FANCD2: variants seen among roughly 807,000 people sequenced by gnomAD.
FANCD2 encodes the protein Fanconi anemia group D2 protein.
A neutral mutation model predicts 192.3 loss-of-function variants in FANCD2; 131 were observed. The observed-to-expected ratio is 0.68, with a 90% CI of 0.59 to 0.79. The LOEUF (loss-of-function observed/expected upper bound fraction) is 0.79. FANCD2 is among the 30% of genes least tolerant of loss of function. FANCD2 has a pLI of 0.00. For synonymous variants in FANCD2, 524 were observed against 612.5 expected, an observed-to-expected ratio of 0.86 and a Z score of 2.13; for missense variants, 1,508 against 1,701.6, an observed-to-expected ratio of 0.89 and a Z score of 2.00.
At chr3:10,041,894 G>A (rs1293752178) in intron 10 of FANCD2, among the ~76,000 whole-genome samples, 184 bp downstream of exon 10, 3 of 141,058 alleles carry the variant, frequency 2.1e-5, no homozygotes, top group Admixed American at 2.1e-4. Flanking sequence ...CTATGGTAGA[G>A]TCACAGGTCT....
At chr3:10,057,013 C>A (rs1289920143) in intron 18 of FANCD2, among the ~76,000 whole-genome samples, 1 of 152,078 alleles carries the variant, frequency 6.6e-6, no homozygotes, top group Admixed American at 6.6e-5. Context: ...CACCACCATG[C>A]CCAGCTAATT....
chr3:10,040,201 A>AT (rs1195077495), intron 9 of FANCD2: 4 of 339,586 alleles, frequency 1.2e-5, no homozygotes, highest in African/African-American at 2.1e-5. Flanking sequence ...TGCCCGACTA[A>AT]TTTTTTTGGT....
intron 26 of FANCD2, among the ~76,000 whole-genome samples, chr3:10,070,838 T>G (rs371912466): frequency 2.0e-5 from 3 of 147,166 alleles, no homozygotes; most frequent in Non-Finnish European, 3.0e-5. Flanking sequence ...CCCCCAACCC[T>G]GTGCTCTCTG....
intron 18 of FANCD2, among the ~76,000 whole-genome samples, chr3:10,057,423 G>A (rs1385737718): frequency 6.7e-6 from 1 of 149,710 alleles, no homozygotes; most frequent in Admixed American, 6.7e-5. Flanking sequence ...GGAGTGCAGT[G>A]GCACAATCTC....
Position 10,101,335 on chromosome 3 carries a change from C to A in FANCD2, c.*73C>A. On this transcript the variant is annotated 3_prime_UTR_variant, in exon 44 of 44. Transcript: ENST00000675286. ...TCATTTTGTGTTAGAGTTTGAAATC[C>A]GCTGTTTGCCTTTCTTACTGGTAGG... The A allele has an allele frequency of 9.2e-7, 1 of 1,091,340 alleles. No individual in the cohort carries two copies. Among genetic ancestry groups the A allele is most frequent in the South Asian group, 1.2e-5 (1 of 80,178 alleles). The allele number at this position is 1,091,340 out of a possible 1,614,324, so 67.6% of individuals were successfully genotyped here. A position where few individuals can be genotyped will look rare whatever the true frequency, so the allele number is the denominator to read the frequency against.
chr3:10,034,432 A>G (rs778286669), intron 3 of FANCD2, 37 bp from the exon 4 acceptor site: 31 of 1,496,498 alleles, frequency 2.1e-5, no homozygotes, highest in Admixed American at 3.3e-5. Flanking sequence ...AAACTATGGT[A>G]GGAAACTGGT....
At chr3:10,034,908 C>T (rs1284471414) in intron 5 of FANCD2, 110 bp downstream of exon 5, 4 of 855,508 alleles carry the variant, frequency 4.7e-6, no homozygotes, top group South Asian at 1.4e-5. Context: ...GGTGTAAGCT[C>T]TGTTTTCCTC....
intron 7 of FANCD2, among the ~76,000 whole-genome samples, chr3:10,037,316 A>G (rs1365231245): frequency 6.6e-6 from 1 of 152,210 alleles, no homozygotes; most frequent in Admixed American, 6.6e-5. Context: ...ACTATTACAC[A>G]GTAAAATAAA....
chr3:10,074,747 A>C, intron 29 of FANCD2, 74 bp downstream of exon 29: 1 of 1,418,974 alleles, frequency 7.0e-7, no homozygotes, highest in Non-Finnish European at 9.9e-7. Flanking sequence ...TATTTCACAA[A>C]GAACACTGTG....
In FANCD2 at chr3:10,049,234, A is replaced by T. The variant is rs1204161448; in HGVS notation, c.1414-140A>T. On this transcript the variant is annotated intron_variant, in intron 16 of 43. Coordinates refer to ENST00000675286, the MANE Select transcript of FANCD2 (RefSeq NM_001018115.3). ...AAATCTCCTGAAGCCAACATTAATG[A>T]AAACTAGATAATAGGTGATGGGTTT... The T allele has an allele frequency of 3.9e-5, 34 of 876,940 alleles. 1 individual carries two copies. Among genetic ancestry groups the T allele is most frequent in the Non-Finnish European group, 5.7e-5 (31 of 540,918 alleles). 54.3% of individuals were successfully genotyped at this position (876,940 alleles called of 1,614,324 possible). A position where few individuals can be genotyped will look rare whatever the true frequency, so the allele number is the denominator to read the frequency against.
chr3:10,029,806 C>T (rs753610424), intron 2 of FANCD2, among the ~76,000 whole-genome samples: 3 of 152,046 alleles, frequency 2.0e-5, no homozygotes, highest in African/African-American at 7.2e-5. Context: ...TTGTTTGAGA[C>T]GGAGTCTCAC....
chr3:10,096,196 T>C (rs933060602), intron 41 of FANCD2, 130 bp from the exon 42 acceptor site: 16 of 923,328 alleles, frequency 1.7e-5, no homozygotes, highest in Non-Finnish European at 2.6e-5. Context: ...CTATTCCTGT[T>C]TGATGGAACA....
intron 9 of FANCD2, 178 bp downstream of exon 9, chr3:10,040,023 C>T: frequency 3.4e-6 from 2 of 595,124 alleles, no homozygotes; most frequent in South Asian, 2.5e-5. Context: ...TGAATAGATC[C>T]ACATACTTTC....
chr3:10,094,227 G>T lies in FANCD2; in HGVS notation c.3889-62G>T. 4 of 1,241,988 alleles carry T rather than the reference G, an allele frequency of 3.2e-6. No homozygotes were observed. The South Asian group carries it at 4.8e-5, about 15-fold the overall frequency. The allele number at this position is 1,241,988 out of a possible 1,614,324, so 76.9% of individuals were successfully genotyped here. On this transcript the variant is annotated intron_variant, in intron 39 of 43. Coordinates refer to ENST00000675286, the MANE Select transcript of FANCD2 (RefSeq NM_001018115.3). The stretch of plus-strand genomic sequence containing the variant: ...CCCTTGGGCTGGATGAGACTATTCT[G>T]CCTCAGGGGCCTTTCAGTGAGATAC...
chr3:10,029,372 G>T (rs550125193), intron 2 of FANCD2, among the ~76,000 whole-genome samples: 1 of 152,208 alleles, frequency 6.6e-6, no homozygotes, highest in African/African-American at 2.4e-5. Context: ...ATGGTGGTTT[G>T]TGCCTGTGGT....
intron 3 of FANCD2, among the ~76,000 whole-genome samples, chr3:10,033,397 A>G (rs1386499745): frequency 6.6e-6 from 1 of 151,982 alleles, no homozygotes; most frequent in Non-Finnish European, 1.5e-5. Flanking sequence ...GTGAGACTCC[A>G]TTTCCAAAAA....
chr3:10,039,397 GT>G, intron 8 of FANCD2, 40 bp downstream of exon 8: 1 of 1,477,394 alleles, frequency 6.8e-7, no homozygotes. Context: ...TAAAGAGTAT[GT>G]TTCTCATATC....
intron 26 of FANCD2, among the ~76,000 whole-genome samples, chr3:10,069,116 G>A (rs1183310278): frequency 2.6e-5 from 4 of 152,084 alleles, no homozygotes; most frequent in Non-Finnish European, 4.4e-5. Context: ...TACCCTACAA[G>A]CACAGGCAAC....
chr3:10,068,710 G>C (rs186436668), intron 26 of FANCD2, among the ~76,000 whole-genome samples: 2 of 150,030 alleles, frequency 1.3e-5, no homozygotes, highest in African/African-American at 4.9e-5. Flanking sequence ...TAAAATGAAT[G>C]AAACTGGAGG....
Sources: gnomAD v4.1 joint callset for allele counts (sites outside exome capture counted in the v4.1 genomes callset) on GRCh38, gnomAD v4.1.1 for gene constraint, MANE v1.5 for transcripts, NCBI Gene and HGNC (gene_info 2026-07-23, HGNC 2026-07-21) for gene names.